Variants in DNAI7 observed in about 807,000 individuals in gnomAD.
DNAI7 encodes the protein cancer susceptibility 1.
Under a neutral mutation model 86.6 loss-of-function variants are expected in DNAI7, and 78 were observed. The ratio of observed to expected loss-of-function variants is 0.90; its 90% CI spans 0.75 to 1.09. The LOEUF is 1.09. Among genes scored for constraint, DNAI7 ranks in the 50% least tolerant of loss-of-function variants. The pLI is 0.00. For synonymous variants in DNAI7, 274 were observed against 273.0 expected, an observed-to-expected ratio of 1.00 and a Z score of -0.04; for missense variants, 753 against 810.2, an observed-to-expected ratio of 0.93 and a Z score of 0.86.
intron 9 of DNAI7, among the ~76,000 whole-genome samples, chr12:25,136,344 C>T (rs983616584): frequency 1.3e-5 from 2 of 152,162 alleles, no homozygotes; most frequent in Non-Finnish European, 2.9e-5. Context: ...CAGGAAGCCT[C>T]ATCTGTAGGG....
At chr12:25,187,689 G>A (rs1261555523) in intron 2 of DNAI7, among the ~76,000 whole-genome samples, 1 of 152,122 alleles carries the variant, frequency 6.6e-6, no homozygotes, top group Non-Finnish European at 1.5e-5. Context: ...ATATGATGCA[G>A]CCATGAAAAA....
intron 4 of DNAI7, among the ~76,000 whole-genome samples, chr12:25,157,090 C>G (rs1946264032): frequency 6.6e-6 from 1 of 151,746 alleles, no homozygotes; most frequent in African/African-American, 2.4e-5. Flanking sequence ...TGATTGAGAC[C>G]ACGGTGAAAG....
At chr12:25,143,503 C>T (rs1193232740) in intron 9 of DNAI7, among the ~76,000 whole-genome samples, 3 of 151,556 alleles carry the variant, frequency 2.0e-5, no homozygotes, top group Non-Finnish European at 2.9e-5. Context: ...GGATTACAGG[C>T]GTGAGCCACC....
downstream of DNAI7, chr12:25,107,975 C>T (rs1198316520): frequency 6.2e-7 from 1 of 1,614,204 alleles, no homozygotes; most frequent in Non-Finnish European, 8.5e-7. Context: ...GCCGCTCCCA[C>T]ACAGCAAGAG....
intron 2 of DNAI7, among the ~76,000 whole-genome samples, chr12:25,188,488 C>A (rs1019102792): frequency 5.9e-5 from 9 of 152,046 alleles, no homozygotes; most frequent in Non-Finnish European, 1.2e-4. Context: ...ATATATCCTT[C>A]AATGTTTTCC....
At chr12:25,163,399 G>C (rs1256538031) in intron 2 of DNAI7, among the ~76,000 whole-genome samples, 1 of 152,094 alleles carries the variant, frequency 6.6e-6, no homozygotes, top group Non-Finnish European at 1.5e-5. Flanking sequence ...TGGCTTAAAA[G>C]CTCTCCTACT....
intron 9 of DNAI7, among the ~76,000 whole-genome samples, chr12:25,130,109 T>G (rs1349146350): frequency 6.6e-6 from 1 of 152,196 alleles, no homozygotes; most frequent in Admixed American, 6.5e-5. Flanking sequence ...ATTGCATATA[T>G]TAGAAGATAT....
intron 13 of DNAI7, among the ~76,000 whole-genome samples, 195 bp from the exon 14 acceptor site, chr12:25,112,134 GT>G (rs1471947341): frequency 5.9e-5 from 9 of 152,138 alleles, no homozygotes; most frequent in African/African-American, 1.9e-4. Context: ...ATGTTAAGCA[GT>G]TTACTAACTC....
chr12:25,190,664 T>C, intron 1 of DNAI7, 33 bp from the exon 2 acceptor site: 1 of 1,299,792 alleles, frequency 7.7e-7, no homozygotes. Context: ...ATTGATCAAT[T>C]TTAAAGACAA....
At chr12:25,164,619 G>A (rs1947224865) in intron 2 of DNAI7, among the ~76,000 whole-genome samples, 1 of 152,096 alleles carries the variant, frequency 6.6e-6, no homozygotes, top group African/African-American at 2.4e-5. Flanking sequence ...TCACAAAATA[G>A]GCAAACGGTC....
At chr12:25,134,486 A>C (rs1943314066) in intron 9 of DNAI7, among the ~76,000 whole-genome samples, 1 of 150,724 alleles carries the variant, frequency 6.6e-6, no homozygotes, top group South Asian at 2.1e-4. Context: ...CCTCCCGAGC[A>C]GTTGGGATTA....
intron 2 of DNAI7, among the ~76,000 whole-genome samples, chr12:25,168,432 T>G (rs553972739): frequency 2.6e-5 from 4 of 152,302 alleles, no homozygotes; most frequent in Admixed American, 2.6e-4. Context: ...CTCTCAGTAT[T>G]GGAATAGCAG....
At chr12:25,189,467 C>G (rs927616210) in intron 2 of DNAI7, among the ~76,000 whole-genome samples, 1 of 152,038 alleles carries the variant, frequency 6.6e-6, no homozygotes. Context: ...AAAGTGAAAC[C>G]CTGTCTCTAC....
intron 13 of DNAI7, among the ~76,000 whole-genome samples, chr12:25,112,438 C>T (rs1422004299): frequency 1.5e-5 from 2 of 136,618 alleles, no homozygotes; most frequent in African/African-American, 3.0e-5. Context: ...ACGGAGTCTC[C>T]CTCTGTCGCC....
intron 9 of DNAI7, among the ~76,000 whole-genome samples, chr12:25,142,472 T>G (rs1415929861): frequency 6.6e-6 from 1 of 151,770 alleles, no homozygotes; most frequent in African/African-American, 2.4e-5. Context: ...AAATGCCACC[T>G]GTTCCCCAAA....
chr12:25,129,311 G>GTAATTTATGTAATT (rs1942556824), intron 9 of DNAI7, among the ~76,000 whole-genome samples: 1 of 152,094 alleles, frequency 6.6e-6, no homozygotes, highest in South Asian at 2.1e-4. Flanking sequence ...CTCCTAACTT[G>GTAATTTATGTAATT]TATGTAAATT....
intron 1 of DNAI7, among the ~76,000 whole-genome samples, chr12:25,194,237 C>T (rs921942704): frequency 6.6e-5 from 10 of 152,206 alleles, no homozygotes; most frequent in African/African-American, 2.4e-4. Context: ...TCATTTCCAA[C>T]TGTGTGTTAC....
chr12:25,140,287 T>C (rs945915603), intron 9 of DNAI7, among the ~76,000 whole-genome samples: 3 of 151,978 alleles, frequency 2.0e-5, no homozygotes, highest in African/African-American at 4.8e-5. Flanking sequence ...ACTGTACACC[T>C]AGAAAACCCT....
intron 9 of DNAI7, among the ~76,000 whole-genome samples, chr12:25,130,472 G>A (rs973590391): frequency 3.3e-5 from 5 of 151,714 alleles, no homozygotes; most frequent in Admixed American, 1.3e-4. Context: ...GGGAGGCAGA[G>A]CTTGCAGTGA....
Sources: gnomAD v4.1 joint callset for allele counts (sites outside exome capture counted in the v4.1 genomes callset) on GRCh38, gnomAD v4.1.1 for gene constraint, MANE v1.5 for transcripts, NCBI Gene and HGNC (gene_info 2026-07-23, HGNC 2026-07-21) for gene names.